The following PPP1R12B variants were observed in gnomAD, a reference collection of about 807,000 sequenced individuals.
The protein encoded by PPP1R12B is myosin phosphatase target subunit 2.
In PPP1R12B, 76 loss-of-function variants were observed where a neutral mutation model predicts 126.1. The observed-to-expected ratio is 0.60, with a 90% CI of 0.50 to 0.73. PPP1R12B has a LOEUF of 0.73. Among genes scored for constraint, PPP1R12B ranks in the 30% least tolerant of loss-of-function variants. PPP1R12B has a pLI of 0.00. For synonymous variants in PPP1R12B, 356 were observed against 434.7 expected, an observed-to-expected ratio of 0.82 and a Z score of 2.25; for missense variants, 1,052 against 1,205.1, an observed-to-expected ratio of 0.87 and a Z score of 1.88.
chr1:202,497,757 T>G (rs1679738874), intron 18 of PPP1R12B, among the ~76,000 whole-genome samples: 1 of 152,142 alleles, frequency 6.6e-6, no homozygotes. Context: ...GCAAGCTATG[T>G]GGTGTGGAAA....
chr1:202,463,734 A>T lies in PPP1R12B; in HGVS notation c.1850+14563A>T, dbSNP rs567837758. ...AGAAGTTTCCTAGTTGATCTTGTTC[A>T]GAGGACCAATTTCTGGACAGAATAC... On this transcript the variant is annotated intron_variant, in intron 13 of 23. Coordinates refer to ENST00000608999, the MANE Select transcript of PPP1R12B (RefSeq NM_002481.4). 7.2e-5 allele frequency among the ~76,000 whole-genome samples: 11 copies of T among 152,338 alleles called. 1 individual carries two copies. Among genetic ancestry groups the T allele is most frequent in the African/African-American group, 2.6e-4 (11 of 41,582 alleles).
At chr1:202,395,969 A>G (rs560611313) in intron 1 of PPP1R12B, among the ~76,000 whole-genome samples, 1 of 152,298 alleles carries the variant, frequency 6.6e-6, no homozygotes, top group East Asian at 1.9e-4. Flanking sequence ...ACCCAGTCGT[A>G]TGTCCCTGGC....
In PPP1R12B at chr1:202,530,683, G is replaced by A. The variant is rs1480670552; in HGVS notation, c.2491-28194G>A. ...CTAGTAAAGTTATTGTGAGCTCCAT[G>A]CTGTGCAACTTGTATATCCTGTCTT... On this transcript the variant is annotated intron_variant, in intron 18 of 23. Transcript: ENST00000608999. 2.0e-5 allele frequency among the ~76,000 whole-genome samples: 3 copies of A among 152,186 alleles called. No homozygotes were observed. In the South Asian group the frequency reaches 6.2e-4, roughly 31 times the overall value.
In PPP1R12B at chr1:202,430,798, G is replaced by T; in HGVS notation, c.989G>T (p.Gly330Val). The change falls in exon 7 of 24, where the codon GGG (glycine) becomes GTG (valine). Residue 330 changes from glycine (G) to valine (V), a missense_variant. Coordinates refer to ENST00000608999, the MANE Select transcript of PPP1R12B (RefSeq NM_002481.4). ...GATCTGAACAGCAAGATTCAGAGTG[G>T]GTTCTTTAAGAAGTAAGACATTTAG... is the stretch of plus-strand genomic sequence containing the variant. ...ESDLNSKIQS[G>V]FFKNKEKMLY... 1 of 1,612,054 alleles carries T rather than the reference G, an allele frequency of 6.2e-7. No individual in the cohort carries two copies. Among genetic ancestry groups the T allele is most frequent in the Non-Finnish European group, 8.5e-7 (1 of 1,178,710 alleles).
intron 18 of PPP1R12B, among the ~76,000 whole-genome samples, chr1:202,505,599 G>A (rs1680717249): frequency 1.3e-5 from 2 of 152,062 alleles, no homozygotes; most frequent in African/African-American, 4.8e-5. Flanking sequence ...CTCTCTCTCT[G>A]GGGCTCGATT....
At chr1:202,457,069 A>G (rs1279082960) in intron 13 of PPP1R12B, among the ~76,000 whole-genome samples, 5 of 152,252 alleles carry the variant, frequency 3.3e-5, no homozygotes, top group Admixed American at 3.3e-4. Context: ...GAAGATAGAC[A>G]CACGTATAGG....
At chr1:202,397,568 G>A (rs1291865041) in intron 1 of PPP1R12B, among the ~76,000 whole-genome samples, 2 of 152,042 alleles carry the variant, frequency 1.3e-5, no homozygotes, top group Non-Finnish European at 2.9e-5. Flanking sequence ...GAGGACTTTT[G>A]GGAAGACACA....
intron 9 of PPP1R12B, among the ~76,000 whole-genome samples, chr1:202,436,849 G>GT (rs996943395): frequency 6.3e-4 from 92 of 147,038 alleles, no homozygotes; most frequent in Admixed American, 1.2e-3. Context: ...TTGACCTCTA[G>GT]TTTTTTTTTT....
At chr1:202,548,808 C>CTCTCTCTCTCTCTCTCTCTCTCTATA (rs1218548068) in intron 18 of PPP1R12B, among the ~76,000 whole-genome samples, 1 of 72,970 alleles carries the variant, frequency 1.4e-5, no homozygotes, top group Admixed American at 1.7e-4. Context: ...CTCTCTCTCT[C>CTCTCTCTCTCTCTCTCTCTCTCTATA]TATATATATA....
intron 8 of PPP1R12B, among the ~76,000 whole-genome samples, chr1:202,433,325 GC>G (rs1396178501): frequency 1.3e-5 from 2 of 152,154 alleles, no homozygotes; most frequent in East Asian, 3.9e-4. Context: ...TATGGTCATT[GC>G]TTTGTGATTT....
At chr1:202,360,507 G>C (rs1000444367) in intron 1 of PPP1R12B, among the ~76,000 whole-genome samples, 4 of 152,004 alleles carry the variant, frequency 2.6e-5, no homozygotes, top group African/African-American at 9.7e-5. Context: ...TCAGGTGTTC[G>C]AGACCAGCCT....
chr1:202,527,480 A>G (rs1683465188), intron 18 of PPP1R12B: 2 of 152,240 alleles, frequency 1.3e-5, no homozygotes, highest in African/African-American at 4.8e-5. Context: ...AACAAATAGT[A>G]TTTGGAAGAG....
At chr1:202,496,006 C>T (rs1440577480) in intron 17 of PPP1R12B, among the ~76,000 whole-genome samples, 1 of 152,130 alleles carries the variant, frequency 6.6e-6, no homozygotes, top group South Asian at 2.1e-4. Context: ...AGTAGTCCTT[C>T]CTAATATTCC....
chr1:202,464,990 A>G (rs1193409243), intron 13 of PPP1R12B, among the ~76,000 whole-genome samples: 1 of 152,216 alleles, frequency 6.6e-6, no homozygotes, highest in Non-Finnish European at 1.5e-5. Context: ...GTGGAGCCAG[A>G]GGAGATTGAG....
chr1:202,564,573 A>G, intron 21 of PPP1R12B, 26 bp downstream of exon 21: 1 of 1,564,290 alleles, frequency 6.4e-7, no homozygotes, highest in South Asian at 1.1e-5. Flanking sequence ...AAGAAAAAAG[A>G]TGAGAACCAA....
intron 18 of PPP1R12B, among the ~76,000 whole-genome samples, chr1:202,524,314 G>A (rs542903778): frequency 3.0e-4 from 46 of 152,290 alleles, no homozygotes; most frequent in Non-Finnish European, 5.7e-4. Flanking sequence ...CTGACATGGG[G>A]TAGGCTACAA....
chr1:202,541,135 G>A (rs1685085571), intron 18 of PPP1R12B, among the ~76,000 whole-genome samples: 1 of 152,124 alleles, frequency 6.6e-6, no homozygotes, highest in Admixed American at 6.5e-5. Flanking sequence ...GCGCTTTGCT[G>A]TATATACAGA....
chr1:202,531,892 G>T (rs1683987732), intron 18 of PPP1R12B, among the ~76,000 whole-genome samples: 1 of 152,148 alleles, frequency 6.6e-6, no homozygotes, highest in South Asian at 2.1e-4. Context: ...CCCAAGAAAG[G>T]GTTCTTAGAT....
At chr1:202,517,079 A>G (rs1682232144) in intron 18 of PPP1R12B, among the ~76,000 whole-genome samples, 2 of 152,216 alleles carry the variant, frequency 1.3e-5, no homozygotes, top group African/African-American at 2.4e-5. Context: ...AAGTTCTGCT[A>G]AGTCACCCCA....
Sources: gnomAD v4.1 joint callset for allele counts (sites outside exome capture counted in the v4.1 genomes callset) on GRCh38, gnomAD v4.1.1 for gene constraint, MANE v1.5 for transcripts, NCBI Gene and HGNC (gene_info 2026-07-23, HGNC 2026-07-21) for gene names.